LAMA1: variants seen among roughly 807,000 people sequenced by gnomAD.
The protein encoded by LAMA1 is laminin subunit alpha 1, also known as laminin subunit alpha-1.
LAMA1 carries 219 observed loss-of-function variants against 348.7 expected under a neutral mutation model. The ratio of observed to expected loss-of-function variants is 0.63; its 90% CI spans 0.56 to 0.70. The LOEUF is 0.70. LAMA1 is among the 30% of genes least tolerant of loss of function. LAMA1 has a pLI of 0.00. For missense variants in LAMA1, 3,744 were observed against 3,888.0 expected, an observed-to-expected ratio of 0.96 and a Z score of 0.99; for synonymous variants, 1,487 against 1,491.0, an observed-to-expected ratio of 1.00 and a Z score of 0.06.
chr18:7,024,365 G>GTA lies in LAMA1; in HGVS notation c.2489+14_2489+15insTA. ...TAATTTCGAAAATGTGTTGAAGCCA[G>GTA]TGGATGCAGAGTACCTCTCACACCA... On this transcript the variant is annotated intron_variant, in intron 18 of 62. Transcript: ENST00000389658. 6.2e-7 allele frequency: 1 copy of GTA among 1,604,932 alleles called. No homozygotes were observed. The highest frequency in any genetic ancestry group is 1.3e-5 in the African/African-American group (1 of 74,834).
intron 24 of LAMA1, 145 bp downstream of exon 24, chr18:7,011,850 C>A (rs2144117078): frequency 1.0e-6 from 1 of 956,062 alleles, no homozygotes; most frequent in Admixed American, 2.5e-5. Context: ...GCTCTGATTC[C>A]TGTTCTAACC....
rs776582476 is a variant in LAMA1 at position 7,009,354 on chromosome 18, A to G, written c.3886T>C (p.Tyr1296His). The change falls in exon 27 of 63, where the codon TAT becomes CAT. Residue 1296 changes from tyrosine (Y) to histidine (H), a missense_variant. Physicochemically the swap from Tyr to His is moderately conservative, Grantham distance 83. Coordinates refer to ENST00000389658, the MANE Select transcript of LAMA1 (RefSeq NM_005559.4). ...GGTTTTTCAGAAACAGAGTTAAAAT[A>G]TTTCCAAAAATTCTGTAGAATGAGA... ...EVAMRENFWK[Y>H]FNSVSEKPVT... The G allele has an allele frequency of 6.2e-7, 1 of 1,614,130 alleles. No individual in the cohort carries two copies. Among genetic ancestry groups the G allele is most frequent in the Non-Finnish European group, 8.5e-7 (1 of 1,179,992 alleles).
At chr18:7,077,427 G>C (rs139968973) in intron 3 of LAMA1, among the ~76,000 whole-genome samples, 261 of 151,948 alleles carry the variant, frequency 1.7e-3, no homozygotes, top group Middle Eastern at 0.014. Context: ...GGATGGTCTC[G>C]ATCTCCTGAC....
chr18:7,059,713 C>T (rs886280929), intron 3 of LAMA1, among the ~76,000 whole-genome samples: 5 of 152,184 alleles, frequency 3.3e-5, no homozygotes, highest in Non-Finnish European at 5.9e-5. Flanking sequence ...CAATACCAGG[C>T]ATGACTCCGG....
chr18:7,042,612 T>C (rs113362932), intron 8 of LAMA1: 5,315 of 293,558 alleles, frequency 0.018, 269 homozygotes, highest in African/African-American at 0.11. Context: ...CGGCCAGGCG[T>C]GGTGGCTCAC....
intron 36 of LAMA1, among the ~76,000 whole-genome samples, chr18:6,990,718 C>T (rs1385073846): frequency 3.3e-5 from 5 of 152,154 alleles, no homozygotes; most frequent in African/African-American, 1.2e-4. Flanking sequence ...TCTCGTTTCC[C>T]CGCCCCTGAA....
chr18:7,044,117 C>T (rs1459265623), intron 7 of LAMA1, among the ~76,000 whole-genome samples: 2 of 142,454 alleles, frequency 1.4e-5, no homozygotes, highest in African/African-American at 5.4e-5. Context: ...GAGCCGAGAT[C>T]GCGCCACTGC....
At chr18:6,947,358 G>C in intron 60 of LAMA1, 62 bp from the exon 61 acceptor site, 1 of 1,608,312 alleles carries the variant, frequency 6.2e-7, no homozygotes, top group Non-Finnish European at 8.5e-7. Context: ...TTGAGCATTT[G>C]GCCTCCTGGC....
At chr18:7,041,322 TA>T (rs1332150346) in intron 9 of LAMA1, among the ~76,000 whole-genome samples, 2 of 152,318 alleles carry the variant, frequency 1.3e-5, no homozygotes, top group South Asian at 2.1e-4. Flanking sequence ...TTAAATGATA[TA>T]TTTTTTTAAA....
At chr18:7,093,946 T>G (rs927370518) in intron 1 of LAMA1, among the ~76,000 whole-genome samples, 9 of 151,870 alleles carry the variant, frequency 5.9e-5, no homozygotes, top group Non-Finnish European at 8.8e-5. Flanking sequence ...CGGCTAATTT[T>G]TTGTATTTTT....
chr18:6,959,823 T>C (rs2057598745), intron 53 of LAMA1: 2 of 316,974 alleles, frequency 6.3e-6, no homozygotes, highest in Non-Finnish European at 1.2e-5. Context: ...TAAAGTATTT[T>C]CCAACTTTTT....
intron 2 of LAMA1, 77 bp from the exon 3 acceptor site, chr18:7,080,164 A>G: frequency 1.3e-6 from 2 of 1,552,266 alleles, no homozygotes; most frequent in Non-Finnish European, 1.8e-6. Context: ...CCGTAATGCT[A>G]GTGGAAACAA....
intron 13 of LAMA1, among the ~76,000 whole-genome samples, chr18:7,035,607 G>C (rs1290720990): frequency 6.6e-6 from 1 of 151,866 alleles, no homozygotes; most frequent in Non-Finnish European, 1.5e-5. Context: ...TGAGAGACGG[G>C]GGTCTCACTA....
At chr18:7,063,670 T>C (rs2058111394) in intron 3 of LAMA1, among the ~76,000 whole-genome samples, 1 of 152,188 alleles carries the variant, frequency 6.6e-6, no homozygotes, top group South Asian at 2.1e-4. Flanking sequence ...ATTCAGTCTT[T>C]AAAAGGAAGG....
At chr18:6,973,987 C>A (rs148163141) in intron 46 of LAMA1, among the ~76,000 whole-genome samples, 1 of 152,074 alleles carries the variant, frequency 6.6e-6, no homozygotes, top group Non-Finnish European at 1.5e-5. Context: ...CACTATGTTG[C>A]CCAGGCTAAC....
intron 3 of LAMA1, among the ~76,000 whole-genome samples, chr18:7,064,738 A>G (rs1213870204): frequency 1.3e-5 from 2 of 152,210 alleles, no homozygotes; most frequent in Non-Finnish European, 2.9e-5. Context: ...TGGTTATTTA[A>G]CTGACATTTT....
Position 7,000,968 on chromosome 18 carries a change from T to C in LAMA1, c.4383-971A>G, listed in dbSNP as rs866039460. 4.6e-5 allele frequency among the ~76,000 whole-genome samples: 7 copies of C among 152,350 alleles called. No homozygotes were observed. In the Middle Eastern group the frequency reaches 0.017, roughly 370 times the overall value. ...AATCTCTTCCTGATAGCACAAACTT[T>C]AATTTATTAATGCGGACTTTGGGGA... is the stretch of plus-strand genomic sequence containing the variant. On this transcript the variant is annotated intron_variant, in intron 30 of 62. Coordinates refer to ENST00000389658, the MANE Select transcript of LAMA1 (RefSeq NM_005559.4).
chr18:7,080,330 G>A lies in LAMA1; in HGVS notation c.189C>T (p.Asn63=), dbSNP rs1216088802. ...TGCCATCACAGATCCGGCACTGTGG[G>A]TTTCGGACGGGCCGACCTGGCACAT... ...VEHVPGRPVR[N]PQCRICDGNS... Residue 63 remains asparagine (N), a synonymous_variant, in exon 2 of 63, where the codon AAC becomes AAT. Coordinates refer to ENST00000389658, the MANE Select transcript of LAMA1 (RefSeq NM_005559.4). The A allele has an allele frequency of 6.2e-7, 1 of 1,614,250 alleles. No homozygotes were observed. The highest frequency in any genetic ancestry group is 8.5e-7 in the Non-Finnish European group (1 of 1,180,058).
chr18:7,070,013 T>A (rs1046986957), intron 3 of LAMA1, among the ~76,000 whole-genome samples: 1 of 152,132 alleles, frequency 6.6e-6, no homozygotes, highest in African/African-American at 2.4e-5. Flanking sequence ...AAGCTATGCA[T>A]GAGAAAATAA....
Sources: gnomAD v4.1 joint callset for allele counts (sites outside exome capture counted in the v4.1 genomes callset) on GRCh38, gnomAD v4.1.1 for gene constraint, MANE v1.5 for transcripts, NCBI Gene and HGNC (gene_info 2026-07-23, HGNC 2026-07-21) for gene names.